NDE1: variants seen among roughly 807,000 people sequenced by gnomAD.
NDE1 encodes the protein nudE neurodevelopment protein 1.
NDE1 carries 28 observed loss-of-function variants against 43.4 expected under a neutral mutation model. The ratio of observed to expected loss-of-function variants is 0.65; its 90% confidence interval spans 0.48 to 0.89. NDE1 has a LOEUF of 0.89. Among genes scored for constraint, NDE1 ranks in the 40% least tolerant of loss-of-function variants. NDE1 has a pLI of 0.00. For missense variants in NDE1, 441 were observed against 434.1 expected, an observed-to-expected ratio of 1.02 and a Z score of -0.14; for synonymous variants, 184 against 172.0, an observed-to-expected ratio of 1.07 and a Z score of -0.55.
chr16:15,687,447 A>G lies in NDE1; in HGVS notation c.459A>G (p.Glu153=). 1.2e-6 allele frequency: 2 copies of G among 1,614,214 alleles called. No individual in the cohort carries two copies. The highest frequency in any genetic ancestry group is 1.7e-6 in the Non-Finnish European group (2 of 1,180,040). Reference sequence around the variant, plus strand: ...CCATCGAAAGAAATGCCTTCCTGGAAAGTGAACTTGATGAAAAAGAGAATC... The same window carrying G: ...CCATCGAAAGAAATGCCTTCCTGGAGAGTGAACTTGATGAAAAAGAGAATC... The part of the protein sequence containing the change: ...NQAIERNAFL[E]SELDEKENLL... The change falls in exon 5 of 9, where the codon GAA becomes GAG. Residue 153 remains glutamate, a synonymous_variant. Coordinates refer to ENST00000396354, the MANE Select transcript of NDE1 (RefSeq NM_017668.3).
chr16:15,697,726 A>T (rs1298516698), intron 8 of NDE1, among the ~76,000 whole-genome samples: 1 of 152,014 alleles, frequency 6.6e-6, no homozygotes, highest in African/African-American at 2.4e-5. Context: ...AAGTTAATTA[A>T]TTAGTTAAAT....
At position 15,671,206 on chromosome 16, in the gene NDE1, A is replaced by G. The variant is rs562112570; in HGVS notation, c.237+3767A>G. Among the ~76,000 whole-genome samples the G allele has an allele frequency of 5.4e-4, 82 of 152,188 alleles. 1 individual carries two copies. Among genetic ancestry groups the G allele is most frequent in the Non-Finnish European group, 9.9e-4 (67 of 68,014 alleles). ...CATCAAAATTTGTAAAGCTTCCTGT[A>G]AAAAGATGGATTTCTGGCCAGGCAT... On this transcript the variant is annotated intron_variant, in intron 3 of 8. Coordinates refer to ENST00000396354, the MANE Select transcript of NDE1 (RefSeq NM_017668.3).
chr16:15,716,225 A>G (rs1485958582), intron 8 of NDE1, among the ~76,000 whole-genome samples: 1 of 152,050 alleles, frequency 6.6e-6, no homozygotes, highest in Non-Finnish European at 1.5e-5. Context: ...GAAATACCAC[A>G]TATGGCCTGG....
At position 15,724,370 on chromosome 16, in the gene NDE1, T is replaced by C. The variant is rs2040639843; in HGVS notation, c.*119T>C. On this transcript the variant is annotated 3_prime_UTR_variant, in exon 9 of 9. Coordinates refer to ENST00000396354, the MANE Select transcript of NDE1 (RefSeq NM_017668.3). Reference sequence around the variant, plus strand: ...TTCCCCTCTTCCAGAGCTTCCACGGTGCTGGCAAAGTCCTGCAGCTTCTTC... The same window carrying C: ...TTCCCCTCTTCCAGAGCTTCCACGGCGCTGGCAAAGTCCTGCAGCTTCTTC... The C allele has an allele frequency of 5.0e-6, 8 of 1,614,138 alleles. No homozygotes were observed. The highest frequency in any genetic ancestry group is 6.8e-6 in the Non-Finnish European group (8 of 1,180,046).
upstream of NDE1, among the ~76,000 whole-genome samples, chr16:15,645,734 T>C (rs1012765383): frequency 2.6e-5 from 4 of 152,238 alleles, no homozygotes; most frequent in Non-Finnish European, 5.9e-5. Context: ...ACTTTCAGTT[T>C]TTCCCTTGTC....
intron 1 of NDE1, among the ~76,000 whole-genome samples, chr16:15,650,796 C>G (rs896391647): frequency 3.3e-5 from 5 of 152,110 alleles, no homozygotes; most frequent in Admixed American, 1.3e-4. Flanking sequence ...TCTCTGCGAC[C>G]CCAGACCCCT....
chr16:15,674,662 C>T lies in NDE1; in HGVS notation c.238-3139C>T, dbSNP rs867078555. 2.6e-5 allele frequency among the ~76,000 whole-genome samples: 4 copies of T among 152,168 alleles called. No homozygotes were observed. The South Asian group carries it at 8.3e-4, about 32-fold the overall frequency. Reference sequence around the variant, plus strand: ...GACTGTTGTGTAAACCAAGTACATGCTGCTCTCCCATTGTTGTGGGCACAA... The same window carrying T: ...GACTGTTGTGTAAACCAAGTACATGTTGCTCTCCCATTGTTGTGGGCACAA... On this transcript the variant is annotated intron_variant, in intron 3 of 8. Transcript: ENST00000396354.
intron 4 of NDE1, among the ~76,000 whole-genome samples, chr16:15,682,396 A>G (rs912074695): frequency 6.6e-5 from 10 of 152,186 alleles, no homozygotes; most frequent in African/African-American, 9.7e-5. Context: ...AAATGTTACA[A>G]TTTTGTGCAA....
intron 8 of NDE1, among the ~76,000 whole-genome samples, chr16:15,704,758 T>C (rs1319075012): frequency 6.6e-6 from 1 of 152,230 alleles, no homozygotes; most frequent in Admixed American, 6.5e-5. Context: ...GCATCTGTTT[T>C]GCTGATCGTG....
At chr16:15,715,020 T>G (rs781754239) in intron 8 of NDE1, 10 of 1,613,822 alleles carry the variant, frequency 6.2e-6, no homozygotes, top group Admixed American at 1.7e-5. Flanking sequence ...GCGCTGGGAC[T>G]CCTCCTCTGC....
intron 4 of NDE1, among the ~76,000 whole-genome samples, chr16:15,678,312 G>A (rs950222527): frequency 1.3e-5 from 2 of 152,146 alleles, no homozygotes; most frequent in Admixed American, 6.6e-5. Context: ...ATTCCAGACA[G>A]AACACCAAGC....
intron 1 of NDE1, among the ~76,000 whole-genome samples, chr16:15,654,107 G>A (rs140508435): frequency 6.6e-6 from 1 of 152,246 alleles, no homozygotes; most frequent in East Asian, 1.9e-4. Context: ...GTCCTAGTTT[G>A]TCATTGTTCC....
intron 8 of NDE1, chr16:15,718,647 T>G: frequency 1.5e-6 from 1 of 683,268 alleles, no homozygotes; most frequent in Non-Finnish European, 2.4e-6. Context: ...AAAGCTGGGA[T>G]TGGGATGGGG....
intron 3 of NDE1, among the ~76,000 whole-genome samples, chr16:15,669,352 C>A (rs548948582): frequency 6.6e-6 from 1 of 151,442 alleles, no homozygotes; most frequent in African/African-American, 2.4e-5. Flanking sequence ...CTCCACCACG[C>A]CTGGCTAATT....
upstream of NDE1, among the ~76,000 whole-genome samples, chr16:15,648,830 T>A (rs576491609): frequency 1.6e-3 from 241 of 152,122 alleles, 1 homozygote; most frequent in Non-Finnish European, 2.5e-3. Flanking sequence ...AATTATTTTT[T>A]AATTTTAATT....
intron 6 of NDE1, among the ~76,000 whole-genome samples, chr16:15,691,693 T>C (rs2038763615): frequency 6.7e-6 from 1 of 148,822 alleles, no homozygotes; most frequent in Non-Finnish European, 1.5e-5. Flanking sequence ...CAGGCTGGAG[T>C]GTAGTGACGT....
rs1445320074 is a variant in NDE1, at chr16:15,718,331, C to T, written c.948-5860C>T. ...GGCCCTCACCTGCTGTGTGGCTTTG[C>T]GGACCCGGTCGCTCATGGCCTCCAT... On this transcript the variant is annotated intron_variant, in intron 8 of 8. Transcript: ENST00000396354. 9.9e-6 allele frequency: 16 copies of T among 1,608,882 alleles called. No individual in the cohort carries two copies. Among genetic ancestry groups the T allele is most frequent in the Middle Eastern group, 1.7e-4 (1 of 5,866 alleles).
Position 15,724,582 on chromosome 16 carries a change from C to CG in NDE1, c.*336dup. On this transcript the variant is annotated 3_prime_UTR_variant, in exon 9 of 9. Transcript: ENST00000396354. ...CCAACACTCCACCGCGATCTGCCTG[C>CG]GGGGGATCTCAGCGCAGAGAAGTTG... 6.2e-7 allele frequency: 1 copy of CG among 1,611,118 alleles called. No individual in the cohort carries two copies. The highest frequency in any genetic ancestry group is 8.5e-7 in the Non-Finnish European group (1 of 1,178,762).
intron 8 of NDE1, chr16:15,703,777 G>T: frequency 1.6e-6 from 1 of 638,918 alleles, no homozygotes; most frequent in South Asian, 1.6e-5. Flanking sequence ...TTGTATAGAT[G>T]AGGTTTTACT....
Sources: allele counts gnomAD v4.1 joint callset (sites outside exome capture counted in the v4.1 genomes callset), GRCh38; gene constraint gnomAD v4.1.1; transcripts MANE v1.5; gene names NCBI Gene and HGNC (gene_info 2026-07-23, HGNC 2026-07-21).